The following YWHAE variants were observed in gnomAD, a reference collection of about 807,000 sequenced individuals.
YWHAE encodes 14-3-3 protein epsilon.
A neutral mutation model predicts 30.1 loss-of-function variants in YWHAE; 4 were observed. That is an observed-to-expected ratio of 0.13 (90% CI 0.07 to 0.30). The LOEUF (loss-of-function observed/expected upper bound fraction) is 0.30. YWHAE is among the 10% of genes least tolerant of loss of function. The pLI is 1.00. For synonymous variants in YWHAE, 118 were observed against 111.8 expected, an observed-to-expected ratio of 1.06 and a Z score of -0.35; for missense variants, 121 against 315.9, an observed-to-expected ratio of 0.38 and a Z score of 4.68.
intron 1 of YWHAE, among the ~76,000 whole-genome samples, chr17:1,388,399 C>T (rs562327750): frequency 5.0e-4 from 76 of 151,796 alleles, no homozygotes; most frequent in African/African-American, 1.5e-3. Context: ...GCCTGTAGTA[C>T]CAGCTACTCC....
chr17:1,347,311 C>T (rs545675021), intron 5 of YWHAE, among the ~76,000 whole-genome samples: 5 of 149,250 alleles, frequency 3.4e-5, no homozygotes, highest in Admixed American at 1.4e-4. Flanking sequence ...CCAGCCTGGG[C>T]GACAATCGAG....
Position 1,371,839 on chromosome 17 carries a change from CT to C in YWHAE, c.65-6782del, listed in dbSNP as rs368590864. 2.4e-3 allele frequency among the ~76,000 whole-genome samples: 337 copies of C among 138,498 alleles called. 2 individuals are homozygous for C. The highest frequency in any genetic ancestry group is 0.012 in the Middle Eastern group (3 of 258). 90.9% of individuals were successfully genotyped at this position (138,498 alleles called of 152,430 possible). On this transcript the variant is annotated intron_variant, in intron 1 of 5. Coordinates refer to ENST00000264335, the MANE Select transcript of YWHAE (RefSeq NM_006761.5). Reference sequence around the variant, plus strand: ...TCAGCACATGCTACTTGACCCTGTACTTTTTTTTTTTTTTTTTGAGACAGAA... The same window carrying C: ...TCAGCACATGCTACTTGACCCTGTACTTTTTTTTTTTTTTTTGAGACAGAA...
chr17:1,364,705 A>C (rs2072917548), intron 2 of YWHAE, 154 bp downstream of exon 2: 6 of 982,562 alleles, frequency 6.1e-6, no homozygotes, highest in Non-Finnish European at 9.0e-6. Flanking sequence ...TTTAACTTAT[A>C]AACCAGGCAC....
intron 2 of YWHAE, among the ~76,000 whole-genome samples, chr17:1,364,280 G>A (rs1254048533): frequency 1.3e-5 from 2 of 151,348 alleles, no homozygotes; most frequent in Non-Finnish European, 2.9e-5. Flanking sequence ...AGGCTGGAGT[G>A]CAGCAGTGCG....
chr17:1,371,459 G>T (rs989978917), intron 1 of YWHAE, among the ~76,000 whole-genome samples: 23 of 151,934 alleles, frequency 1.5e-4, no homozygotes, highest in Non-Finnish European at 2.6e-4. Flanking sequence ...TTCAACAGTG[G>T]GCTTAAGATA....
At chr17:1,386,997 C>G (rs2073310530) in intron 1 of YWHAE, among the ~76,000 whole-genome samples, 1 of 151,530 alleles carries the variant, frequency 6.6e-6, no homozygotes, top group African/African-American at 2.4e-5. Flanking sequence ...ATTGTGTAAC[C>G]TTCTATGAAA....
intron 5 of YWHAE, among the ~76,000 whole-genome samples, chr17:1,350,863 G>A (rs2072619578): frequency 6.6e-6 from 1 of 151,722 alleles, no homozygotes; most frequent in South Asian, 2.1e-4. Flanking sequence ...TTAGAGACCA[G>A]CCTGGCCAAC....
In YWHAE at chr17:1,354,451, T is replaced by C. The variant is rs944990527; in HGVS notation, c.579-104A>G. 9.6e-5 allele frequency: 112 copies of C among 1,163,312 alleles called. 1 individual carries two copies. Among genetic ancestry groups the C allele is most frequent in the South Asian group, 2.3e-4 (15 of 65,976 alleles). 72.1% of individuals were successfully genotyped at this position (1,163,312 alleles called of 1,614,324 possible). ...TTTCTTCAGTTATTCCAGTTTGTAA[T>C]AGTCACAATGATAATGCAAAGAAAA... is the stretch of plus-strand genomic sequence containing the variant. On this transcript the variant is annotated intron_variant, in intron 4 of 5. Coordinates refer to ENST00000264335, the MANE Select transcript of YWHAE (RefSeq NM_006761.5).
intron 1 of YWHAE, among the ~76,000 whole-genome samples, chr17:1,395,454 G>C (rs1366635051): frequency 2.0e-5 from 3 of 152,154 alleles, no homozygotes; most frequent in Non-Finnish European, 2.9e-5. Flanking sequence ...GCTTGAACCT[G>C]GGAGGCGGAG....
chr17:1,395,930 C>G (rs1346742732), intron 1 of YWHAE, among the ~76,000 whole-genome samples: 1 of 152,168 alleles, frequency 6.6e-6, no homozygotes, highest in African/African-American at 2.4e-5. Flanking sequence ...ATCAGCCTGG[C>G]CAACATGGCG....
intron 1 of YWHAE, among the ~76,000 whole-genome samples, chr17:1,395,143 A>C (rs900878842): frequency 4.6e-5 from 7 of 151,732 alleles, no homozygotes; most frequent in Admixed American, 2.0e-4. Flanking sequence ...CTGTAATTCC[A>C]ACACTTTGGG....
intron 1 of YWHAE, among the ~76,000 whole-genome samples, chr17:1,393,194 AAC>A (rs1004128392): frequency 6.6e-6 from 1 of 151,306 alleles, no homozygotes; most frequent in African/African-American, 2.4e-5. Context: ...CATACAAACA[AAC>A]AAAAAAAACA....
At chr17:1,386,266 C>A (rs1193936869) in intron 1 of YWHAE, among the ~76,000 whole-genome samples, 1 of 152,152 alleles carries the variant, frequency 6.6e-6, no homozygotes, top group African/African-American at 2.4e-5. Flanking sequence ...GAGCTTTCTA[C>A]AGTCTTTAAC....
intron 1 of YWHAE, among the ~76,000 whole-genome samples, chr17:1,378,973 G>A (rs1646840488): frequency 1.3e-5 from 2 of 151,336 alleles, no homozygotes; most frequent in African/African-American, 4.9e-5. Flanking sequence ...AAGAAATTCA[G>A]TATGATCCCC....
At chr17:1,378,067 T>C (rs1335328839) in intron 1 of YWHAE, among the ~76,000 whole-genome samples, 3 of 152,176 alleles carry the variant, frequency 2.0e-5, no homozygotes, top group African/African-American at 7.2e-5. Flanking sequence ...AAGTCTCAAA[T>C]TGTTTTTATG....
intron 5 of YWHAE, chr17:1,352,155 G>C (rs1567955598): frequency 2.0e-5 from 3 of 152,226 alleles, no homozygotes; most frequent in African/African-American, 7.2e-5. Flanking sequence ...AGGGCTGGGA[G>C]TAGCTGCCTG....
intron 1 of YWHAE, among the ~76,000 whole-genome samples, chr17:1,371,841 T>TA (rs2073047648): frequency 6.8e-6 from 1 of 147,864 alleles, no homozygotes; most frequent in South Asian, 2.1e-4. Flanking sequence ...ACCCTGTACT[T>TA]TTTTTTTTTT....
At chr17:1,383,053 C>G (rs1324511849) in intron 1 of YWHAE, among the ~76,000 whole-genome samples, 1 of 146,416 alleles carries the variant, frequency 6.8e-6, no homozygotes, top group Non-Finnish European at 1.5e-5. Flanking sequence ...AAAGGCAAAA[C>G]AAAAGTGGAA....
At chr17:1,369,481 G>A (rs781698828) in intron 1 of YWHAE, among the ~76,000 whole-genome samples, 4 of 152,188 alleles carry the variant, frequency 2.6e-5, no homozygotes, top group Non-Finnish European at 4.4e-5. Flanking sequence ...GTAACAGAGA[G>A]AGACTCCGTC....
Sources: allele counts gnomAD v4.1 joint callset (sites outside exome capture counted in the v4.1 genomes callset), GRCh38; gene constraint gnomAD v4.1.1; transcripts MANE v1.5; gene names NCBI Gene and HGNC (gene_info 2026-07-23, HGNC 2026-07-21).